The following S100Z variants were observed in gnomAD, a reference collection of about 807,000 sequenced individuals.
S100Z encodes the protein S100 calcium binding protein Z.
In S100Z, 11 loss-of-function variants were observed where a neutral mutation model predicts 8.5. The observed-to-expected ratio is 1.30, with a 90% CI of 0.82 to 2.15. The LOEUF is 2.15. Ranked by LOEUF, S100Z falls within the 30% of genes most tolerant of loss-of-function variation. The pLI is 0.00. For missense variants in S100Z, 126 were observed against 117.9 expected, an observed-to-expected ratio of 1.07 and a Z score of -0.32; for synonymous variants, 34 against 43.8, an observed-to-expected ratio of 0.78 and a Z score of 0.89.
At chr5:76,889,669 A>T (rs776414682) in intron 4 of S100Z, among the ~76,000 whole-genome samples, 12 of 152,266 alleles carry the variant, frequency 7.9e-5, no homozygotes, top group Non-Finnish European at 1.5e-4. Context: ...TTCAAATTAG[A>T]TTTCAAATAA....
the S100Z span, among the ~76,000 whole-genome samples, chr5:76,930,999 T>C: frequency 6.6e-6 from 1 of 152,110 alleles, no homozygotes; most frequent in Non-Finnish European, 1.5e-5. Flanking sequence ...CTTTTTTGCC[T>C]GAAGGAGTGG....
intron 4 of S100Z, among the ~76,000 whole-genome samples, chr5:76,891,492 T>C (rs867989941): frequency 3.9e-5 from 6 of 152,164 alleles, no homozygotes; most frequent in Non-Finnish European, 8.8e-5. Context: ...CGGCAGCTGC[T>C]TCAACTTTGA....
rs779831002 is a variant in S100Z at position 76,856,313 on chromosome 5, C to T, written c.-176+6158C>T. ...CCTCCAAATTCAAGCGATTCTCCTG[C>T]GTCAGCTTCTTGAGTAGCTGGGACT... On this transcript the variant is annotated intron_variant, in intron 1 of 4. Coordinates refer to ENST00000317593, the MANE Select transcript of S100Z (RefSeq NM_130772.4). Among the ~76,000 whole-genome samples, 27 of 152,320 alleles carry T rather than the reference C, an allele frequency of 1.8e-4. 1 individual carries two copies. The highest frequency in any genetic ancestry group is 1.6e-3 in the Admixed American group (24 of 15,302).
At chr5:76,868,132 T>C (rs1465892284) in intron 1 of S100Z, among the ~76,000 whole-genome samples, 1 of 152,210 alleles carries the variant, frequency 6.6e-6, no homozygotes, top group East Asian at 1.9e-4. Context: ...TTGAGCCTTT[T>C]GACATTGCCT....
At chr5:76,875,883 A>C (rs1743175559) in intron 3 of S100Z, among the ~76,000 whole-genome samples, 1 of 152,152 alleles carries the variant, frequency 6.6e-6, no homozygotes, top group Non-Finnish European at 1.5e-5. Flanking sequence ...GTGAAGGGGT[A>C]CTTTACCTTC....
At chr5:76,940,155 CAAA>C in the S100Z span, among the ~76,000 whole-genome samples, 3 of 116,814 alleles carry the variant, frequency 2.6e-5, no homozygotes, top group Non-Finnish European at 3.4e-5. Context: ...GACTCCATCT[CAAA>C]AAAAAAAAAA....
At chr5:76,907,019 T>TATATATATAC (rs1744477596) in intron 4 of S100Z, among the ~76,000 whole-genome samples, 1 of 76,240 alleles carries the variant, frequency 1.3e-5, no homozygotes, top group African/African-American at 8.5e-5. Context: ...TATATATATA[T>TATATATATAC]ATATACATAT....
chr5:76,862,130 C>T (rs1316373), intron 1 of S100Z, among the ~76,000 whole-genome samples: 68,173 of 147,172 alleles, frequency 0.46, 15,931 homozygotes, highest in South Asian at 0.67. Flanking sequence ...AAGGAGTGTG[C>T]GTGTGTGTGT....
chr5:76,918,203 A>G (rs770855750), intron 4 of S100Z, among the ~76,000 whole-genome samples: 14 of 152,030 alleles, frequency 9.2e-5, no homozygotes, highest in Non-Finnish European at 2.1e-4. Context: ...TGTCGTTAGA[A>G]TAGGGTTTTT....
At chr5:76,878,581 A>C (rs1190867972) in intron 4 of S100Z, among the ~76,000 whole-genome samples, 2 of 152,230 alleles carry the variant, frequency 1.3e-5, no homozygotes, top group African/African-American at 2.4e-5. Flanking sequence ...CTTCTACACG[A>C]ACCCTGGCCT....
At chr5:76,924,912 CAA>C (rs34845921), downstream of S100Z, among the ~76,000 whole-genome samples, 72 of 144,798 alleles carry the variant, frequency 5.0e-4, no homozygotes, top group Admixed American at 1.0e-3. Context: ...GACTCTGTCT[CAA>C]AAAAAAAAAA....
chr5:76,928,172 A>G, the S100Z span, among the ~76,000 whole-genome samples: 6 of 152,132 alleles, frequency 3.9e-5, no homozygotes, highest in Non-Finnish European at 7.4e-5. Flanking sequence ...TGTCATTTTT[A>G]CACAATGGAG....
intron 4 of S100Z, among the ~76,000 whole-genome samples, chr5:76,891,689 G>A (rs1014465090): frequency 2.0e-5 from 3 of 152,162 alleles, no homozygotes; most frequent in Admixed American, 6.5e-5. Flanking sequence ...ACTGGCACCT[G>A]TAGAGTAATT....
chr5:76,919,937 C>T (rs867860438), intron 4 of S100Z, among the ~76,000 whole-genome samples: 3 of 146,720 alleles, frequency 2.0e-5, no homozygotes, highest in Non-Finnish European at 4.5e-5. Context: ...GAGACAGAGC[C>T]TCACTCTGTA....
intron 4 of S100Z, among the ~76,000 whole-genome samples, chr5:76,914,667 G>A (rs1273623535): frequency 6.6e-6 from 1 of 152,042 alleles, no homozygotes; most frequent in Non-Finnish European, 1.5e-5. Context: ...CCCACCAGGA[G>A]GAAAAAGCAA....
intron 3 of S100Z, among the ~76,000 whole-genome samples, chr5:76,875,879 G>C (rs1202612570): frequency 2.0e-5 from 3 of 152,062 alleles, no homozygotes; most frequent in Non-Finnish European, 4.4e-5. Flanking sequence ...AGAGGTGAAG[G>C]GGTACTTTAC....
chr5:76,912,675 C>T (rs549249785), intron 4 of S100Z, among the ~76,000 whole-genome samples: 11 of 152,322 alleles, frequency 7.2e-5, no homozygotes, highest in East Asian at 1.9e-4. Flanking sequence ...CCATAAAATA[C>T]GACAAGGAAA....
the S100Z span, among the ~76,000 whole-genome samples, chr5:76,938,160 G>T: frequency 6.6e-6 from 1 of 152,018 alleles, no homozygotes; most frequent in Non-Finnish European, 1.5e-5. Context: ...ATGACCTAAT[G>T]GGAATAGACA....
At chr5:76,922,799 T>A (rs930761412), downstream of S100Z, among the ~76,000 whole-genome samples, 1 of 152,128 alleles carries the variant, frequency 6.6e-6, no homozygotes, top group Non-Finnish European at 1.5e-5. Flanking sequence ...CTGGGATTAC[T>A]GGCATGAGCC....
Sources: allele counts gnomAD v4.1 joint callset (sites outside exome capture counted in the v4.1 genomes callset), GRCh38; gene constraint gnomAD v4.1.1; transcripts MANE v1.5; gene names NCBI Gene and HGNC (gene_info 2026-07-23, HGNC 2026-07-21).